SI: variants seen among roughly 807,000 people sequenced by gnomAD.
SI encodes sucrase-isomaltase, intestinal.
In SI, 235 loss-of-function variants were observed where a neutral mutation model predicts 253.3. The ratio of observed to expected loss-of-function variants is 0.93; its 90% CI spans 0.83 to 1.03. The LOEUF (loss-of-function observed/expected upper bound fraction) is 1.03, where lower values mean the gene tolerates loss of function less well. Among genes scored for constraint, SI ranks in the 50% least tolerant of loss-of-function variants. The pLI is 0.00. For synonymous variants in SI, 819 were observed against 712.0 expected (o/e 1.15, Z -2.39); for missense variants, 2,442 against 2,211.1 (o/e 1.10, Z -2.09).
chr3:165,040,063 G>C, intron 18 of SI, 92 bp from the exon 19 acceptor site: 1 of 978,460 alleles, frequency 1.0e-6, no homozygotes. Context: ...TTTTTCCTGG[G>C]AATTGTTGTT....
chr3:165,067,419 A>T lies in SI; in HGVS notation c.556T>A (p.Ser186Thr), dbSNP rs142447888. The change falls in exon 6 of 48, where the codon TCT (serine) becomes ACT (threonine). Residue 186 changes from serine to threonine, a missense_variant. By Grantham distance (58) the Ser-to-Thr change is moderately conservative (BLOSUM62 1). Coordinates refer to ENST00000264382, the MANE Select transcript of SI (RefSeq NM_001041.4). ...ACCTTCACATCATACAACGTATCAG[A>T]AACTGTGGGTCCAGTAAACTCTTTT... ...YVKEFTGPTV[S>T]DTLYDVKVAQ... 3 of 1,612,096 alleles carry T rather than the reference A, an allele frequency of 1.9e-6. 1 individual carries two copies. The African/African-American group carries it at 4.0e-5, about 22-fold the overall frequency.
chr3:165,080,034 A>G (rs1476279776), upstream of SI, among the ~76,000 whole-genome samples: 1 of 152,002 alleles, frequency 6.6e-6, no homozygotes, highest in Non-Finnish European at 1.5e-5. Flanking sequence ...ACCAATTTGT[A>G]TAACAGCTTT....
chr3:165,054,518 C>T (rs961241297), intron 13 of SI, among the ~76,000 whole-genome samples: 1 of 151,978 alleles, frequency 6.6e-6, no homozygotes, highest in Non-Finnish European at 1.5e-5. Context: ...CCAAGCCCAA[C>T]TAATTTTTGT....
intron 25 of SI, among the ~76,000 whole-genome samples, chr3:165,029,582 ATATATATGT>A (rs1238999427): frequency 7.7e-6 from 1 of 129,058 alleles, no homozygotes; most frequent in East Asian, 2.8e-4. Flanking sequence ...ATATATATAC[ATATATATGT>A]ATATATATAC....
intron 9 of SI, 137 bp from the exon 10 acceptor site, chr3:165,060,164 T>G: frequency 5.4e-6 from 4 of 745,444 alleles, no homozygotes; most frequent in Non-Finnish European, 8.6e-6. Flanking sequence ...AAACCTTTAG[T>G]GTTACCTGGA....
At chr3:165,056,390 G>A (rs1333696411) in intron 12 of SI, among the ~76,000 whole-genome samples, 1 of 152,050 alleles carries the variant, frequency 6.6e-6, no homozygotes, top group Non-Finnish European at 1.5e-5. Flanking sequence ...CCCCCCTGCA[G>A]AAGCATCAAA....
chr3:165,041,995 G>A (rs1164439041), intron 17 of SI, among the ~76,000 whole-genome samples: 1 of 152,004 alleles, frequency 6.6e-6, no homozygotes, highest in Non-Finnish European at 1.5e-5. Flanking sequence ...TCGGGATTCT[G>A]CCTACCAAAC....
chr3:165,059,180 A>C lies in SI; in HGVS notation c.1266T>G (p.Tyr422Ter). 1.2e-6 allele frequency: 2 copies of C among 1,612,724 alleles called. No homozygotes were observed. Among genetic ancestry groups the C allele is most frequent in the Non-Finnish European group, 1.7e-6 (2 of 1,179,232 alleles). Residue 422 changes from tyrosine (Y) to a stop codon, truncating the protein, a stop_gained, in exon 11 of 48, where the codon TAT (tyrosine) becomes TAG (stop). Coordinates refer to ENST00000264382, the MANE Select transcript of SI (RefSeq NM_001041.4). LOFTEE classifies it high-confidence loss of function. ...AATTGATTATTACCAAGATGATGAC[A>C]TATTTCTGTCCATGGTCATGCAAAT... ...VQDLHDHGQK[Y>*]VIILDPAISI...
At chr3:164,997,056 T>C (rs1559982021) in intron 38 of SI, among the ~76,000 whole-genome samples, 2 of 151,722 alleles carry the variant, frequency 1.3e-5, no homozygotes, top group East Asian at 3.9e-4. Context: ...CATTATAGTG[T>C]GAGAAGAAAG....
At chr3:164,984,972 T>C (rs1576865967) in intron 45 of SI, among the ~76,000 whole-genome samples, 1 of 152,260 alleles carries the variant, frequency 6.6e-6, no homozygotes, top group East Asian at 1.9e-4. Flanking sequence ...TAAAAATATT[T>C]ATACTAAATT....
chr3:164,994,436 G>T, intron 40 of SI, 31 bp from the exon 41 acceptor site: 1 of 1,606,370 alleles, frequency 6.2e-7, no homozygotes, highest in South Asian at 1.1e-5. Context: ...ATAGTTATAA[G>T]CTTTGGTCCT....
upstream of SI, among the ~76,000 whole-genome samples, chr3:165,082,244 C>T (rs940695477): frequency 2.0e-5 from 3 of 152,006 alleles, no homozygotes; most frequent in South Asian, 6.2e-4. Flanking sequence ...TTTTGTTAAG[C>T]GTTCTATATT....
At chr3:164,997,195 A>G (rs73877375) in intron 38 of SI, among the ~76,000 whole-genome samples, 35,499 of 151,508 alleles carry the variant, frequency 0.23, 6,878 homozygotes, top group African/African-American at 0.54. Context: ...CATTCTTATT[A>G]AACAAATCCT....
intron 3 of SI, among the ~76,000 whole-genome samples, chr3:165,069,841 G>A (rs900795407): frequency 6.6e-6 from 1 of 151,580 alleles, no homozygotes; most frequent in South Asian, 2.1e-4. Context: ...TAGCAAAATA[G>A]TGATGCTATG....
Position 165,075,987 on chromosome 3 carries a change from A to T in SI, c.26T>A (p.Leu9Ter). 1.3e-6 allele frequency: 2 copies of T among 1,589,488 alleles called. No homozygotes were observed. Among genetic ancestry groups the T allele is most frequent in the Non-Finnish European group, 1.7e-6 (2 of 1,162,424 alleles). Reference sequence around the variant, plus strand: ...AAAAAGGACAATCAGAGAGATTTCCAATCCACTAAATTTCTTTCTTGCCAT... The same window carrying T: ...AAAAAGGACAATCAGAGAGATTTCCTATCCACTAAATTTCTTTCTTGCCAT... MARKKFSG[L>*]EISLIVLFVI... is the part of the protein sequence containing the mutation. Residue 9 changes from leucine (L) to a stop codon, truncating the protein, a stop_gained, in exon 2 of 48, where the codon TTG becomes TAG. Transcript: ENST00000264382. LOFTEE classifies it high-confidence loss of function.
intron 44 of SI, among the ~76,000 whole-genome samples, chr3:164,989,887 A>G (rs1717647942): frequency 1.3e-5 from 2 of 152,194 alleles, no homozygotes; most frequent in Admixed American, 1.3e-4. Context: ...ACAATATTAC[A>G]GAGATAGTAA....
At chr3:165,009,246 A>C in intron 35 of SI, 33 bp downstream of exon 35, 1 of 1,397,210 alleles carries the variant, frequency 7.2e-7, no homozygotes, top group African/African-American at 1.4e-5. Flanking sequence ...ACAATAAATA[A>C]CTTAAAACAT....
At chr3:165,079,475 G>C (rs1348331621), upstream of SI, among the ~76,000 whole-genome samples, 2 of 151,548 alleles carry the variant, frequency 1.3e-5, no homozygotes, top group South Asian at 2.1e-4. Context: ...TTTAAAAAAA[G>C]TATGCATGGA....
chr3:165,025,982 C>T (rs1711894397), intron 25 of SI, among the ~76,000 whole-genome samples: 1 of 151,288 alleles, frequency 6.6e-6, no homozygotes, highest in Non-Finnish European at 1.5e-5. Flanking sequence ...TACCTCACAT[C>T]TCAATACTGA....
Sources: gnomAD v4.1 joint callset for allele counts (sites outside exome capture counted in the v4.1 genomes callset) on GRCh38, gnomAD v4.1.1 for gene constraint, MANE v1.5 for transcripts, NCBI Gene and HGNC (gene_info 2026-07-23, HGNC 2026-07-21) for gene names.